LOXL2: variants seen among roughly 807,000 people sequenced by gnomAD.
The protein encoded by LOXL2 is lysyl oxidase like 2.
Under a neutral mutation model 93.0 loss-of-function variants are expected in LOXL2, and 70 were observed. The observed-to-expected ratio is 0.75, with a 90% CI of 0.62 to 0.92. The LOEUF is 0.92. Ranked by LOEUF, LOXL2 falls within the 40% of genes least tolerant of loss-of-function variation. LOXL2 has a pLI of 0.00. For missense variants in LOXL2, 973 were observed against 1,054.9 expected (o/e 0.92, Z 1.08); for synonymous variants, 438 against 413.2 (o/e 1.06, Z -0.73).
chr8:23,302,570 CACTT>C (rs765580478), intron 11 of LOXL2, among the ~76,000 whole-genome samples: 104 of 152,344 alleles, frequency 6.8e-4, no homozygotes, highest in South Asian at 8.3e-4. Context: ...GTCTCTCTGA[CACTT>C]ACATGTTATC....
intron 10 of LOXL2, among the ~76,000 whole-genome samples, chr8:23,304,164 C>T (rs1585341209): frequency 6.6e-6 from 1 of 152,242 alleles, no homozygotes; most frequent in East Asian, 1.9e-4. Flanking sequence ...CCGGGGGTTC[C>T]AGAAAAGAGT....
chr8:23,338,991 G>C (rs929933831), intron 4 of LOXL2, among the ~76,000 whole-genome samples: 1 of 152,180 alleles, frequency 6.6e-6, no homozygotes, highest in Admixed American at 6.5e-5. Context: ...CCTCTTCCAT[G>C]TTCTCTTCCA....
chr8:23,387,378 T>G (rs1481337110), intron 1 of LOXL2, among the ~76,000 whole-genome samples: 1 of 152,106 alleles, frequency 6.6e-6, no homozygotes, highest in Non-Finnish European at 1.5e-5. Context: ...GTATTCCTTA[T>G]AAACATCAGG....
intron 1 of LOXL2, chr8:23,382,266 C>G (rs1318723110): frequency 6.6e-6 from 1 of 152,194 alleles, no homozygotes; most frequent in Non-Finnish European, 1.5e-5. Context: ...ACCTGTAATC[C>G]CAGCACTTTG....
intron 2 of LOXL2, among the ~76,000 whole-genome samples, chr8:23,361,881 A>G (rs1804298599): frequency 6.6e-6 from 1 of 151,372 alleles, no homozygotes; most frequent in Admixed American, 6.6e-5. Flanking sequence ...AAAAAACAGA[A>G]AATGACAGTG....
intron 3 of LOXL2, among the ~76,000 whole-genome samples, chr8:23,345,489 C>A (rs1251626187): frequency 6.6e-6 from 1 of 152,200 alleles, no homozygotes; most frequent in Non-Finnish European, 1.5e-5. Context: ...TTCTTGTCTT[C>A]AGGCCAGCGG....
At chr8:23,312,309 A>G (rs2117149657) in intron 9 of LOXL2, among the ~76,000 whole-genome samples, 1 of 146,896 alleles carries the variant, frequency 6.8e-6, no homozygotes, top group East Asian at 2.0e-4. Flanking sequence ...TGAGGCCAGC[A>G]TCATCCTGAT....
chr8:23,377,776 G>A (rs1378722245), intron 1 of LOXL2, among the ~76,000 whole-genome samples: 1 of 151,448 alleles, frequency 6.6e-6, no homozygotes, highest in Non-Finnish European at 1.5e-5. Flanking sequence ...GCCTTTTTTT[G>A]TTTTCCATTT....
intron 6 of LOXL2, among the ~76,000 whole-genome samples, chr8:23,327,745 C>T (rs1803603991): frequency 6.6e-6 from 1 of 152,164 alleles, no homozygotes; most frequent in Admixed American, 6.5e-5. Flanking sequence ...ATGACCTCTT[C>T]TGTGTCGTCT....
At chr8:23,365,663 C>A (rs1386714206) in intron 2 of LOXL2, 1 of 152,106 alleles carries the variant, frequency 6.6e-6, no homozygotes, top group Non-Finnish European at 1.5e-5. Context: ...AGAGACTGTC[C>A]TCCATCCTGC....
intron 8 of LOXL2, among the ~76,000 whole-genome samples, 198 bp from the exon 9 acceptor site, chr8:23,317,312 G>A (rs76278588): frequency 0.68 from 103,872 of 151,886 alleles, 36,112 homozygotes; most frequent in Non-Finnish European, 0.75. Flanking sequence ...TCTCCTGAGT[G>A]TAGCACTTGG....
At chr8:23,368,502 G>A (rs539051436) in intron 1 of LOXL2, 68 bp from the exon 2 acceptor site, 25 of 645,240 alleles carry the variant, frequency 3.9e-5, no homozygotes, top group Non-Finnish European at 5.7e-5. Context: ...GAGAACCAGC[G>A]ATTTCATACC....
At chr8:23,385,345 C>A (rs1018812272) in intron 1 of LOXL2, among the ~76,000 whole-genome samples, 2 of 149,576 alleles carry the variant, frequency 1.3e-5, no homozygotes, top group South Asian at 4.2e-4. Context: ...GTCCCAGGTT[C>A]AAGCAATTCT....
intron 3 of LOXL2, among the ~76,000 whole-genome samples, chr8:23,344,879 T>C (rs1803944353): frequency 6.6e-6 from 1 of 152,188 alleles, no homozygotes; most frequent in Admixed American, 6.5e-5. Flanking sequence ...TTTCCAGTCT[T>C]TAAGGCTCAA....
chr8:23,337,150 C>T (rs968331939), intron 4 of LOXL2: 1 of 152,262 alleles, frequency 6.6e-6, no homozygotes, highest in East Asian at 1.9e-4. Context: ...AACCAGCCAA[C>T]ACCACAGGTC....
chr8:23,351,965 C>T (rs1189600973), intron 3 of LOXL2, among the ~76,000 whole-genome samples: 4 of 152,194 alleles, frequency 2.6e-5, no homozygotes, highest in Non-Finnish European at 4.4e-5. Flanking sequence ...TGTACACCAC[C>T]ATGCCCAACT....
At chr8:23,302,191 C>T in intron 11 of LOXL2, 28 bp from the exon 12 acceptor site, 5 of 1,611,090 alleles carry the variant, frequency 3.1e-6, no homozygotes, top group Non-Finnish European at 1.7e-6. Flanking sequence ...GAGAGCTCAT[C>T]ACCAGGGAAC....
intron 8 of LOXL2, among the ~76,000 whole-genome samples, chr8:23,318,460 C>CAA (rs1554476792): frequency 4.6e-5 from 5 of 108,992 alleles, no homozygotes; most frequent in African/African-American, 2.2e-4. Flanking sequence ...CACACACACA[C>CAA]AAAAATACAC....
intron 1 of LOXL2, among the ~76,000 whole-genome samples, chr8:23,393,314 C>G (rs143064668): frequency 1.2e-4 from 18 of 152,270 alleles, no homozygotes; most frequent in Non-Finnish European, 2.2e-4. Flanking sequence ...TCAAAACTTA[C>G]TACAAAAGTC....
Sources: allele counts gnomAD v4.1 joint callset (sites outside exome capture counted in the v4.1 genomes callset), GRCh38; gene constraint gnomAD v4.1.1; transcripts MANE v1.5; gene names NCBI Gene and HGNC (gene_info 2026-07-23, HGNC 2026-07-21).